TTC1: variants seen among roughly 807,000 people sequenced by gnomAD.
TTC1 encodes the protein tetratricopeptide repeat domain 1, also known as tetratricopeptide repeat protein 1.
In TTC1, 31 loss-of-function variants were observed where a neutral mutation model predicts 37.6. The ratio of observed to expected loss-of-function variants is 0.82; its 90% CI spans 0.62 to 1.11. TTC1 has a LOEUF of 1.11. TTC1 is among the 50% of genes most tolerant of loss of function. The pLI is 0.00. For missense variants in TTC1, 351 were observed against 339.0 expected (o/e 1.04, Z -0.28); for synonymous variants, 127 against 122.4 (o/e 1.04, Z -0.25).
In TTC1 at chr5:160,051,135, C is replaced by G; in HGVS notation, c.697C>G (p.Pro233Ala). 1 of 1,600,540 alleles carries G rather than the reference C, an allele frequency of 6.2e-7. No homozygotes were observed. The highest frequency in any genetic ancestry group is 8.5e-7 in the Non-Finnish European group (1 of 1,171,872). Residue 233 changes from proline (P) to alanine (A), a missense_variant, in exon 7 of 8, where the codon CCT (proline) becomes GCT (alanine). Coordinates refer to ENST00000231238, the MANE Select transcript of TTC1 (RefSeq NM_003314.3). ...TTTCTCCTCTTTTCCTCAGAGATTA[C>G]CTAAGCAAATTGAAGAACGTAATGA... ...HQAREACMRL[P>A]KQIEERNERL...
chr5:160,015,911 T>A (rs1020127943), intron 2 of TTC1, among the ~76,000 whole-genome samples: 1 of 152,160 alleles, frequency 6.6e-6, no homozygotes, highest in Non-Finnish European at 1.5e-5. Context: ...CAGAACTGAA[T>A]TGAATTATAG....
chr5:160,038,733 G>C (rs1415299272), intron 4 of TTC1, among the ~76,000 whole-genome samples: 2 of 149,862 alleles, frequency 1.3e-5, no homozygotes, highest in Admixed American at 6.7e-5. Context: ...TGTGATCTCG[G>C]CTCACTGCAA....
Position 160,051,194 on chromosome 5 carries a change from T to G in TTC1, c.745+11T>G. The G allele has an allele frequency of 6.2e-7, 1 of 1,606,228 alleles. No homozygotes were observed. Among genetic ancestry groups the G allele is most frequent in the Non-Finnish European group, 8.5e-7 (1 of 1,175,584 alleles). Reference sequence around the variant, plus strand: ...AAGAAGAGATGTTAGGTAAGCTTACTTCTTACTTTGCTTGATCATAAACAG... The same window carrying G: ...AAGAAGAGATGTTAGGTAAGCTTACGTCTTACTTTGCTTGATCATAAACAG... On this transcript the variant is annotated intron_variant, in intron 7 of 7. Coordinates refer to ENST00000231238, the MANE Select transcript of TTC1 (RefSeq NM_003314.3).
chr5:160,020,806 C>G (rs1381733934), intron 2 of TTC1, among the ~76,000 whole-genome samples: 1 of 152,194 alleles, frequency 6.6e-6, no homozygotes, highest in Non-Finnish European at 1.5e-5. Context: ...CCCACTGATT[C>G]TACATTATGG....
At chr5:160,022,842 A>G (rs565325791) in intron 2 of TTC1, among the ~76,000 whole-genome samples, 237 of 152,358 alleles carry the variant, frequency 1.6e-3, no homozygotes, top group Non-Finnish European at 2.8e-3. Flanking sequence ...CACTTGTAAT[A>G]GTTTCCACCT....
intron 2 of TTC1, among the ~76,000 whole-genome samples, chr5:160,031,982 C>A (rs1237937968): frequency 1.3e-5 from 2 of 152,292 alleles, no homozygotes; most frequent in Non-Finnish European, 2.9e-5. Context: ...CAGAAGGAGA[C>A]CTTGTCTCTG....
chr5:160,057,168 C>T lies in TTC1; in HGVS notation c.745+5985C>T, dbSNP rs1454615017. 6.6e-6 allele frequency among the ~76,000 whole-genome samples: 1 copy of T among 152,168 alleles called. No homozygotes were observed. Among genetic ancestry groups the T allele is most frequent in the Non-Finnish European group, 1.5e-5 (1 of 68,036 alleles). On this transcript the variant is annotated intron_variant, in intron 7 of 7. Transcript: ENST00000231238. The surrounding 1 kb of genome is among the most constrained non-coding windows in gnomAD (Gnocchi z 4.4). ...TGCTTTTGTCTTCATTTCCTAATTG[C>T]TATCCTGAGGCTTCTCTTAGGAGAA...
In TTC1 at chr5:160,065,415, T is replaced by G. The variant is rs754058171; in HGVS notation, c.*350T>G. 3 of 473,958 alleles carry G rather than the reference T, an allele frequency of 6.3e-6. No individual in the cohort carries two copies. In the East Asian group the frequency reaches 1.9e-4, roughly 31 times the overall value. The allele number at this position is 473,958 out of a possible 1,614,324, so 29.4% of individuals were successfully genotyped here. On this transcript the variant is annotated 3_prime_UTR_variant, in exon 8 of 8. Transcript: ENST00000231238. ...CTCCTGAACCAAACAAACCTGTTGG[T>G]TGGGAGACTGCCCAGACATGATTGA...
intron 2 of TTC1, among the ~76,000 whole-genome samples, chr5:160,034,149 A>G (rs1233211153): frequency 7.1e-6 from 1 of 140,942 alleles, no homozygotes; most frequent in Non-Finnish European, 1.5e-5. Flanking sequence ...TTTTTTTTTA[A>G]GGGACTTTGG....
chr5:160,059,321 G>A (rs1757634187), intron 7 of TTC1, among the ~76,000 whole-genome samples: 1 of 152,198 alleles, frequency 6.6e-6, no homozygotes, highest in South Asian at 2.1e-4. Flanking sequence ...TTTATGTTAT[G>A]GAGATGGCTT....
intron 2 of TTC1, among the ~76,000 whole-genome samples, chr5:160,027,798 C>G (rs1001185191): frequency 1.3e-5 from 2 of 152,164 alleles, no homozygotes; most frequent in African/African-American, 4.8e-5. Context: ...GCCTTCTGGC[C>G]TCCACTGTTC....
chr5:160,018,063 G>A (rs1756637641), intron 2 of TTC1, among the ~76,000 whole-genome samples: 1 of 152,180 alleles, frequency 6.6e-6, no homozygotes, highest in African/African-American at 2.4e-5. Flanking sequence ...GTATTAAGAG[G>A]TGGAGCCTTT....
intron 5 of TTC1, among the ~76,000 whole-genome samples, chr5:160,045,520 A>ACACACACACACACTCTCT (rs1202139318): frequency 1.8e-5 from 1 of 54,884 alleles, no homozygotes; most frequent in Non-Finnish European, 3.3e-5. Flanking sequence ...ACACATACAC[A>ACACACACACACACTCTCT]CTCTCTCTCT....
intron 4 of TTC1, among the ~76,000 whole-genome samples, chr5:160,042,168 G>A (rs576519796): frequency 6.6e-6 from 1 of 152,280 alleles, no homozygotes; most frequent in South Asian, 2.1e-4. Flanking sequence ...GACCTCTAGT[G>A]ATCCGCCCAC....
intron 4 of TTC1, among the ~76,000 whole-genome samples, chr5:160,042,770 GA>G (rs1166017874): frequency 6.6e-6 from 1 of 152,156 alleles, no homozygotes; most frequent in African/African-American, 2.4e-5. Context: ...AGCCAGAGAG[GA>G]GGGTAATTCA....
intron 2 of TTC1, among the ~76,000 whole-genome samples, chr5:160,020,159 C>A (rs1448604342): frequency 6.6e-6 from 1 of 152,132 alleles, no homozygotes; most frequent in Admixed American, 6.6e-5. Flanking sequence ...GAACTCCTGA[C>A]CTCAAGTGAT....
intron 7 of TTC1, among the ~76,000 whole-genome samples, chr5:160,053,431 G>A (rs1331320642): frequency 3.3e-5 from 5 of 152,196 alleles, no homozygotes; most frequent in Admixed American, 1.3e-4. Flanking sequence ...AGGTGTGCTG[G>A]TGTGCACCTG....
intron 7 of TTC1, among the ~76,000 whole-genome samples, chr5:160,058,605 G>A (rs965614183): frequency 1.1e-4 from 16 of 151,636 alleles, no homozygotes; most frequent in Non-Finnish European, 2.9e-5. Context: ...TAGAGACAGG[G>A]TTTCACCGTG....
chr5:160,035,055 T>C, intron 2 of TTC1, 85 bp from the exon 3 acceptor site: 2 of 1,185,106 alleles, frequency 1.7e-6, no homozygotes, highest in Non-Finnish European at 2.3e-6. Context: ...GCCTATTAAA[T>C]AGACTTGTGC....
Sources: gnomAD v4.1 joint callset for allele counts (sites outside exome capture counted in the v4.1 genomes callset) on GRCh38, gnomAD v4.1.1 for gene constraint, Gnocchi (gnomAD v3.1) non-coding constraint, MANE v1.5 for transcripts, NCBI Gene and HGNC (gene_info 2026-07-23, HGNC 2026-07-21) for gene names.